UBE2R2: variants seen among roughly 807,000 people sequenced by gnomAD.
The protein encoded by UBE2R2 is ubiquitin conjugating enzyme E2 R2.
UBE2R2 carries 1 observed loss-of-function variant against 27.8 expected under a neutral mutation model. The ratio of observed to expected loss-of-function variants is 0.04; its 90% CI spans 0.01 to 0.17. The LOEUF is 0.17. Ranked by LOEUF, UBE2R2 falls within the 10% of genes least tolerant of loss-of-function variation. The pLI is 1.00. For missense variants in UBE2R2, 100 were observed against 291.0 expected, an observed-to-expected ratio of 0.34 and a Z score of 4.78; for synonymous variants, 106 against 113.3, an observed-to-expected ratio of 0.94 and a Z score of 0.41.
chr9:33,853,837 C>T (rs924456972), intron 1 of UBE2R2, among the ~76,000 whole-genome samples: 1 of 141,034 alleles, frequency 7.1e-6, no homozygotes, highest in Non-Finnish European at 1.5e-5. Context: ...GGAATATTGG[C>T]ACGTGCCACC....
At chr9:33,894,438 ATTTTTC>A (rs1226512989) in intron 2 of UBE2R2, among the ~76,000 whole-genome samples, 1 of 151,590 alleles carries the variant, frequency 6.6e-6, no homozygotes, top group Non-Finnish European at 1.5e-5. Context: ...CTCATTTTTT[ATTTTTC>A]ATTTATTTTT....
At chr9:33,903,389 T>A (rs1822287068) in intron 3 of UBE2R2, among the ~76,000 whole-genome samples, 1 of 152,184 alleles carries the variant, frequency 6.6e-6, no homozygotes, top group South Asian at 2.1e-4. Flanking sequence ...TTTTGCTGGT[T>A]GAACGTTGAA....
At chr9:33,897,724 A>G (rs1043954314) in intron 2 of UBE2R2, among the ~76,000 whole-genome samples, 7 of 140,052 alleles carry the variant, frequency 5.0e-5, no homozygotes, top group Non-Finnish European at 9.4e-5. Context: ...CTTCCACCCC[A>G]CCTCCCACGC....
At chr9:33,862,089 A>G (rs1035703331) in intron 1 of UBE2R2, among the ~76,000 whole-genome samples, 4 of 151,826 alleles carry the variant, frequency 2.6e-5, no homozygotes, top group Middle Eastern at 6.3e-3. Flanking sequence ...GCCTGACCTC[A>G]TGATTCACCT....
intron 2 of UBE2R2, among the ~76,000 whole-genome samples, chr9:33,887,169 G>A (rs559250451): frequency 6.6e-6 from 1 of 152,106 alleles, no homozygotes; most frequent in Admixed American, 6.6e-5. Flanking sequence ...ATATTCTACA[G>A]GATAAAGGAT....
upstream of UBE2R2, among the ~76,000 whole-genome samples, chr9:33,816,385 C>T (rs1431632977): frequency 6.6e-6 from 1 of 152,170 alleles, no homozygotes; most frequent in East Asian, 1.9e-4. Context: ...ACTTTGACCC[C>T]TAAGTTCAAC....
At chr9:33,836,649 C>T (rs142206847) in intron 1 of UBE2R2, among the ~76,000 whole-genome samples, 11,963 of 151,698 alleles carry the variant, frequency 0.079, 676 homozygotes, top group Non-Finnish European at 0.12. Flanking sequence ...CCCAGCTACT[C>T]GGGAGGCAGA....
upstream of UBE2R2, among the ~76,000 whole-genome samples, chr9:33,817,031 G>T (rs1242578310): frequency 6.8e-6 from 1 of 147,908 alleles, no homozygotes; most frequent in Non-Finnish European, 1.5e-5. Flanking sequence ...GGTAGTGGAG[G>T]AGAGCCAGGC....
chr9:33,902,431 A>G (rs1822264085), intron 3 of UBE2R2, among the ~76,000 whole-genome samples: 2 of 152,186 alleles, frequency 1.3e-5, no homozygotes, highest in South Asian at 2.1e-4. Context: ...ATGTAAACCT[A>G]CTAGAATGGT....
intron 2 of UBE2R2, among the ~76,000 whole-genome samples, chr9:33,897,277 C>A (rs1401498993): frequency 1.3e-5 from 2 of 148,872 alleles, no homozygotes; most frequent in African/African-American, 5.0e-5. Context: ...ACCTCGTGAT[C>A]CGCTGGCCTC....
At chr9:33,842,416 A>C (rs983981000) in intron 1 of UBE2R2, among the ~76,000 whole-genome samples, 18 of 152,302 alleles carry the variant, frequency 1.2e-4, no homozygotes, top group Non-Finnish European at 2.2e-4. Context: ...AATTTCCACC[A>C]ATTTGTATTG....
chr9:33,851,485 GTCA>G (rs1254112388), intron 1 of UBE2R2, among the ~76,000 whole-genome samples: 2 of 152,004 alleles, frequency 1.3e-5, no homozygotes, highest in Non-Finnish European at 2.9e-5. Flanking sequence ...TTGTTCCTTA[GTCA>G]TGTCCTAGAC....
At chr9:33,847,257 C>T (rs1041482308) in intron 1 of UBE2R2, among the ~76,000 whole-genome samples, 11 of 151,856 alleles carry the variant, frequency 7.2e-5, no homozygotes, top group East Asian at 1.9e-4. Flanking sequence ...CCACCATGCC[C>T]GGCTAATTTT....
intron 2 of UBE2R2, among the ~76,000 whole-genome samples, chr9:33,894,087 T>A (rs559000533): frequency 3.5e-4 from 54 of 152,270 alleles, no homozygotes; most frequent in African/African-American, 1.3e-3. Context: ...ACCAGCAGTG[T>A]GTGTGTGTTC....
intron 2 of UBE2R2, among the ~76,000 whole-genome samples, chr9:33,895,766 CTCTTTTT>C (rs1822089532): frequency 8.2e-6 from 1 of 121,872 alleles, no homozygotes; most frequent in Non-Finnish European, 1.6e-5. Flanking sequence ...CTCTCTCTCT[CTCTTTTT>C]TTTTTTTTTT....
At chr9:33,846,123 C>CAA (rs35915082) in intron 1 of UBE2R2, among the ~76,000 whole-genome samples, 3,442 of 135,252 alleles carry the variant, frequency 0.025, 141 homozygotes, top group African/African-American at 0.084. Flanking sequence ...GACTCCGTCT[C>CAA]AAAAAAAAAA....
chr9:33,855,150 T>C lies in UBE2R2; in HGVS notation c.178-31731T>C, dbSNP rs533038041. 2.6e-5 allele frequency among the ~76,000 whole-genome samples: 4 copies of C among 152,338 alleles called. No homozygotes were observed. The South Asian group carries it at 8.3e-4, about 32-fold the overall frequency. Reference sequence around the variant, plus strand: ...CAGGCTTGTTTGTTATGGTTGTATCTTCTTGTTTTATTATTCCTTTTAGCA... The same window carrying C: ...CAGGCTTGTTTGTTATGGTTGTATCCTCTTGTTTTATTATTCCTTTTAGCA... On this transcript the variant is annotated intron_variant, in intron 1 of 4. Transcript: ENST00000263228.
Position 33,900,100 on chromosome 9 carries a change from A to T in UBE2R2, c.265-74A>T, listed in dbSNP as rs1035473635. 7 of 1,165,314 alleles carry T rather than the reference A, an allele frequency of 6.0e-6. No individual in the cohort carries two copies. The African/African-American group carries it at 1.1e-4, about 18-fold the overall frequency. 72.2% of individuals were successfully genotyped at this position (1,165,314 alleles called of 1,614,324 possible). ...AGAAACAGTTTCTAGGAATAAAGGAAACTTTAGAACCGATGTCCCTTTTTG... is the reference window on the plus strand; with the variant it reads ...AGAAACAGTTTCTAGGAATAAAGGATACTTTAGAACCGATGTCCCTTTTTG... On this transcript the variant is annotated intron_variant, in intron 2 of 4. Coordinates refer to ENST00000263228, the MANE Select transcript of UBE2R2 (RefSeq NM_017811.4).
At chr9:33,821,678 C>T (rs937419763) in intron 1 of UBE2R2, among the ~76,000 whole-genome samples, 2 of 151,450 alleles carry the variant, frequency 1.3e-5, no homozygotes, top group African/African-American at 2.4e-5. Flanking sequence ...TGCAGTGGCA[C>T]GATCTCAGCT....
Sources: allele counts gnomAD v4.1 joint callset (sites outside exome capture counted in the v4.1 genomes callset), GRCh38; gene constraint gnomAD v4.1.1; transcripts MANE v1.5; gene names NCBI Gene and HGNC (gene_info 2026-07-23, HGNC 2026-07-21).